Variants in SEPTIN11 observed in about 807,000 individuals in gnomAD.
The protein encoded by SEPTIN11 is septin-11.
SEPTIN11 carries 25 observed loss-of-function variants against 51.4 expected under a neutral mutation model. That is an observed-to-expected ratio of 0.49 (90% CI 0.35 to 0.68). The LOEUF (loss-of-function observed/expected upper bound fraction) is 0.68. Among genes scored for constraint, SEPTIN11 ranks in the 30% least tolerant of loss-of-function variants. The pLI is 0.00. For missense variants in SEPTIN11, 381 were observed against 520.8 expected (o/e 0.73, Z 2.61); for synonymous variants, 174 against 184.1 (o/e 0.95, Z 0.44).
rs1298892948 is a variant in SEPTIN11 at position 77,024,141 on chromosome 4, A to G, written c.953+3471A>G. On this transcript the variant is annotated intron_variant, in intron 7 of 9. Transcript: ENST00000264893. This position sits in a 1 kb window ranked among gnomAD's most constrained non-coding sequence, Gnocchi z 4.2. ...CTGTGTATGTTACACAGTGTGAGGC[A>G]AAAGGAGGAGTAGCGCGCGCACAGA... Among the ~76,000 whole-genome samples, 1 of 152,158 alleles carries G rather than the reference A, an allele frequency of 6.6e-6. No individual in the cohort carries two copies. The highest frequency in any genetic ancestry group is 1.9e-4 in the East Asian group (1 of 5,188).
intron 7 of SEPTIN11, chr4:77,021,755 T>G (rs1391488450): frequency 6.6e-6 from 1 of 152,428 alleles, no homozygotes; most frequent in African/African-American, 2.4e-5. Context: ...AGGCAGCCTG[T>G]GCACAGCAGA....
intron 2 of SEPTIN11, among the ~76,000 whole-genome samples, chr4:76,997,890 C>G (rs944135716): frequency 2.6e-5 from 4 of 152,158 alleles, no homozygotes; most frequent in Admixed American, 6.5e-5. Context: ...TCTTCAGTGC[C>G]TCCCCAGCCC....
intron 1 of SEPTIN11, among the ~76,000 whole-genome samples, chr4:76,989,298 AT>A (rs1723222818): frequency 6.6e-6 from 1 of 152,236 alleles, no homozygotes; most frequent in South Asian, 2.1e-4. Context: ...TTAAAAAAAA[AT>A]AAATTTTAAA....
intron 1 of SEPTIN11, among the ~76,000 whole-genome samples, chr4:76,973,897 A>G (rs1722366975): frequency 1.3e-5 from 2 of 152,200 alleles, no homozygotes; most frequent in African/African-American, 4.8e-5. Flanking sequence ...CTAAGCCACT[A>G]TTTCCAGAGC....
chr4:77,016,615 C>CACATATATATATATATACACAT lies in SEPTIN11; in HGVS notation c.687+1599_687+1600insCATATATATATATATACACATA, dbSNP rs1553975015. 1.9e-3 allele frequency among the ~76,000 whole-genome samples: 150 copies of CACATATATATATATATACACAT among 79,216 alleles called. 12 individuals carry two copies. In the East Asian group the frequency reaches 0.043, roughly 23 times the overall value. The allele number at this position is 79,216 out of a possible 152,430, so 52.0% of individuals were successfully genotyped here. ...ATACACACACATATATATATATACA[C>CACATATATATATATATACACAT]ATATATATATATATACACATATATA... On this transcript the variant is annotated intron_variant, in intron 5 of 9. Transcript: ENST00000264893.
chr4:77,016,490 ATG>A (rs1259336774), intron 5 of SEPTIN11, among the ~76,000 whole-genome samples: 1 of 146,152 alleles, frequency 6.8e-6, no homozygotes, highest in Non-Finnish European at 1.5e-5. Context: ...ATATATATAT[ATG>A]TGTATATATA....
At chr4:76,970,305 C>T (rs532220458) in intron 1 of SEPTIN11, among the ~76,000 whole-genome samples, 8 of 152,192 alleles carry the variant, frequency 5.3e-5, no homozygotes, top group South Asian at 2.1e-4. Flanking sequence ...ATAGTTTTCA[C>T]GCCTTATTAA....
rs772508171 is a variant in SEPTIN11, at chr4:77,020,490, CCT to C, written c.785-7_785-6del. 45 of 1,612,718 alleles carry C rather than the reference CCT, an allele frequency of 2.8e-5. No individual in the cohort carries two copies. Among genetic ancestry groups the C allele is most frequent in the East Asian group, 1.1e-4 (5 of 44,886 alleles). On this transcript the variant is annotated splice_polypyrimidine_tract_variant and intron_variant, in intron 6 of 9. Transcript: ENST00000264893. The stretch of plus-strand genomic sequence containing the variant: ...CTAATCCCACTTCCGCCATTTCCCC[CCT>C]CTCTTGTAGTTGAGAATGAAAATCA...
chr4:76,996,192 G>A (rs1225126822), intron 1 of SEPTIN11, among the ~76,000 whole-genome samples: 2 of 152,152 alleles, frequency 1.3e-5, no homozygotes, highest in Non-Finnish European at 2.9e-5. Flanking sequence ...TTGTAACAAG[G>A]AATGAGATGC....
chr4:76,985,586 A>G (rs1435574542), intron 1 of SEPTIN11, among the ~76,000 whole-genome samples: 1 of 152,196 alleles, frequency 6.6e-6, no homozygotes, highest in Admixed American at 6.5e-5. Context: ...GTCTAGGTGG[A>G]AGAACGAGAA....
At chr4:77,008,628 A>G (rs562147024) in intron 3 of SEPTIN11, among the ~76,000 whole-genome samples, 1 of 152,074 alleles carries the variant, frequency 6.6e-6, no homozygotes, top group African/African-American at 2.4e-5. Context: ...GATGGATCAC[A>G]TTGTCTAAGT....
At chr4:77,007,677 ATTAAC>A (rs1724584717) in intron 3 of SEPTIN11, among the ~76,000 whole-genome samples, 1 of 152,230 alleles carries the variant, frequency 6.6e-6, no homozygotes, top group South Asian at 2.1e-4. Flanking sequence ...GAAGTGTGAT[ATTAAC>A]TTAACCTAGA....
At chr4:76,985,209 T>G (rs1276922528) in intron 1 of SEPTIN11, 1 of 152,202 alleles carries the variant, frequency 6.6e-6, no homozygotes, top group African/African-American at 2.4e-5. Flanking sequence ...CTGAAGAAAA[T>G]GTCTTTTTTG....
rs574197095 is a variant in SEPTIN11 at position 76,956,728 on chromosome 4, A to G, written c.27+6798A>G. 5.3e-5 allele frequency among the ~76,000 whole-genome samples: 8 copies of G among 152,334 alleles called. No individual in the cohort carries two copies. The South Asian group carries it at 1.0e-3, about 20-fold the overall frequency. On this transcript the variant is annotated intron_variant, in intron 1 of 9. Coordinates refer to ENST00000264893, the MANE Select transcript of SEPTIN11 (RefSeq NM_018243.4). ...GTAAATGGTCATTCCTAAATTCAAA[A>G]GAATGAGGATAGAGAATCCTCCTGT...
intron 7 of SEPTIN11, among the ~76,000 whole-genome samples, chr4:77,022,168 C>T (rs898940954): frequency 4.6e-5 from 7 of 152,108 alleles, no homozygotes; most frequent in Non-Finnish European, 5.9e-5. Context: ...TGGGAAAGGC[C>T]GTCTTCAGTA....
chr4:77,003,349 GACAA>G (rs1420033253), intron 2 of SEPTIN11, among the ~76,000 whole-genome samples: 5 of 152,190 alleles, frequency 3.3e-5, no homozygotes, highest in African/African-American at 1.2e-4. Context: ...AAGCGGTTAT[GACAA>G]ACACTTAGAA....
intron 1 of SEPTIN11, among the ~76,000 whole-genome samples, chr4:76,971,413 C>T (rs1722233579): frequency 6.6e-6 from 1 of 151,332 alleles, no homozygotes; most frequent in Non-Finnish European, 1.5e-5. Context: ...TTCCATGCTG[C>T]TTTTTTTTAT....
At chr4:77,006,945 G>A (rs1724514957) in intron 3 of SEPTIN11, among the ~76,000 whole-genome samples, 1 of 152,180 alleles carries the variant, frequency 6.6e-6, no homozygotes, top group Non-Finnish European at 1.5e-5. Context: ...ATGCTCTTCA[G>A]TAGACATTGT....
chr4:76,950,918 C>G (rs966751311), intron 1 of SEPTIN11, among the ~76,000 whole-genome samples: 1 of 152,190 alleles, frequency 6.6e-6, no homozygotes, highest in Non-Finnish European at 1.5e-5. Flanking sequence ...CCCTTTTCAT[C>G]GTCGATGTTC....
Sources: allele counts gnomAD v4.1 joint callset (sites outside exome capture counted in the v4.1 genomes callset), GRCh38; gene constraint gnomAD v4.1.1; non-coding constraint Gnocchi (gnomAD v3.1); transcripts MANE v1.5; gene names NCBI Gene and HGNC (gene_info 2026-07-23, HGNC 2026-07-21).